LMCD1: variants seen among roughly 807,000 people sequenced by gnomAD.
LMCD1 encodes the protein LIM and cysteine rich domains 1.
Under a neutral mutation model 42.7 loss-of-function variants are expected in LMCD1, and 32 were observed. That is an observed-to-expected ratio of 0.75 (90% CI 0.57 to 1.01). LMCD1 has a LOEUF of 1.01. Ranked by LOEUF, LMCD1 falls within the 50% of genes least tolerant of loss-of-function variation. LMCD1 has a pLI of 0.00. For missense variants in LMCD1, 458 were observed against 483.1 expected (o/e 0.95, Z 0.49); for synonymous variants, 178 against 184.9 (o/e 0.96, Z 0.30).
At chr3:8,505,003 G>C (rs951950217) in intron 1 of LMCD1, among the ~76,000 whole-genome samples, 3 of 152,230 alleles carry the variant, frequency 2.0e-5, no homozygotes, top group East Asian at 1.9e-4. Flanking sequence ...TCATTTGAAA[G>C]TTGAAGAAAC....
chr3:8,565,575 G>C lies in LMCD1; in HGVS notation c.867G>C (p.Trp289Cys). Reference sequence around the variant, plus strand: ...CGCTGGTGGACCTCATCTACTTCTGGAAGGATGGTGCACCCTGGTGCGGCC... The same window carrying C: ...CGCTGGTGGACCTCATCTACTTCTGCAAGGATGGTGCACCCTGGTGCGGCC... ...SEPLVDLIYFWKDGAPWCGRH... is the reference protein window; with the variant it reads ...SEPLVDLIYFCKDGAPWCGRH... Residue 289 changes from tryptophan (W) to cysteine (C), a missense_variant, in exon 5 of 6, where the codon TGG (tryptophan) becomes TGC (cysteine). Trp to Cys is a radical substitution (Grantham distance 215). Transcript: ENST00000157600. 1 of 1,613,734 alleles carries C rather than the reference G, an allele frequency of 6.2e-7. No individual in the cohort carries two copies. Among genetic ancestry groups the C allele is most frequent in the South Asian group, 1.1e-5 (1 of 91,048 alleles).
At chr3:8,538,116 A>G (rs1439365233) in intron 3 of LMCD1, among the ~76,000 whole-genome samples, 1 of 152,210 alleles carries the variant, frequency 6.6e-6, no homozygotes, top group Non-Finnish European at 1.5e-5. Flanking sequence ...CAGAAGCTCC[A>G]GACTACAAAA....
rs112150132 is a variant in LMCD1 at position 8,554,375 on chromosome 3, G to A, written c.723+5472G>A. On this transcript the variant is annotated intron_variant, in intron 4 of 5. Transcript: ENST00000157600. ...TTGGGGTGGGGCCTCGGCAGGGTGG[G>A]TCCGACCATGCCAGGGGATATATAT... 5.9e-5 allele frequency among the ~76,000 whole-genome samples: 9 copies of A among 152,258 alleles called. No individual in the cohort carries two copies. The East Asian group carries it at 1.7e-3, about 29-fold the overall frequency.
At chr3:8,524,200 GAAAAAA>G (rs767993356) in intron 1 of LMCD1, among the ~76,000 whole-genome samples, 28 of 87,482 alleles carry the variant, frequency 3.2e-4, no homozygotes, top group African/African-American at 9.4e-4. Flanking sequence ...ACTTCTTAAG[GAAAAAA>G]AAAAAAAAAA....
rs1693725815 is a variant in LMCD1 at position 8,501,823 on chromosome 3, G to T, written c.-116G>T. 1.2e-6 allele frequency: 1 copy of T among 857,408 alleles called. No individual in the cohort carries two copies. The highest frequency in any genetic ancestry group is 2.9e-5 in the East Asian group (1 of 34,938). 53.1% of individuals were successfully genotyped at this position (857,408 alleles called of 1,614,324 possible). On this transcript the variant is annotated 5_prime_UTR_variant, in exon 1 of 6. Coordinates refer to ENST00000157600, the MANE Select transcript of LMCD1 (RefSeq NM_014583.4). ...AAGCGGCCCAGCTGCGCCTGGCTGC[G>T]CACAGAGCTCCCTCCCAGGCCCGCG...
chr3:8,521,949 A>G (rs527775383), intron 1 of LMCD1, among the ~76,000 whole-genome samples: 32 of 152,062 alleles, frequency 2.1e-4, no homozygotes, highest in African/African-American at 7.2e-4. Context: ...CAGGTGGAGT[A>G]CAGTTTTAGA....
chr3:8,566,892 CAA>C (rs1432457406), intron 5 of LMCD1, among the ~76,000 whole-genome samples: 1 of 152,122 alleles, frequency 6.6e-6, no homozygotes, highest in African/African-American at 2.4e-5. Flanking sequence ...GTAATTTGCC[CAA>C]AGTCACAAAG....
intron 3 of LMCD1, among the ~76,000 whole-genome samples, chr3:8,541,000 G>C (rs1213601903): frequency 6.6e-6 from 1 of 152,094 alleles, no homozygotes; most frequent in Non-Finnish European, 1.5e-5. Context: ...CACCACTATG[G>C]ACTGGGGTTG....
At chr3:8,546,020 C>T (rs569670304) in intron 3 of LMCD1, among the ~76,000 whole-genome samples, 11 of 152,212 alleles carry the variant, frequency 7.2e-5, no homozygotes, top group Non-Finnish European at 1.0e-4. Context: ...CCAGCCACTC[C>T]GGATTCTCCT....
At chr3:8,515,963 T>C (rs1442923553) in intron 1 of LMCD1, among the ~76,000 whole-genome samples, 1 of 151,926 alleles carries the variant, frequency 6.6e-6, no homozygotes, top group Non-Finnish European at 1.5e-5. Flanking sequence ...AATCTTAAGA[T>C]GAAAAGGAAA....
intron 4 of LMCD1, among the ~76,000 whole-genome samples, chr3:8,556,531 G>A (rs929500316): frequency 1.3e-5 from 2 of 152,154 alleles, no homozygotes; most frequent in Non-Finnish European, 2.9e-5. Context: ...TAGATGGTGA[G>A]TAGTTAATCC....
At chr3:8,527,132 G>A (rs1277311715) in intron 1 of LMCD1, among the ~76,000 whole-genome samples, 1 of 152,234 alleles carries the variant, frequency 6.6e-6, no homozygotes, top group Non-Finnish European at 1.5e-5. Context: ...AGGTTGTCAA[G>A]AAGTTTAGAT....
At position 8,548,698 on chromosome 3, in the gene LMCD1, G is replaced by A; in HGVS notation, c.518G>A (p.Gly173Glu). 1 of 1,614,198 alleles carries A rather than the reference G, an allele frequency of 6.2e-7. No homozygotes were observed. The highest frequency in any genetic ancestry group is 8.5e-7 in the Non-Finnish European group (1 of 1,180,052). ...IYDQDPSRCR[G>E]LLENELKLME... ...GACCAGGATCCCTCGCGCTGCCGTG[G>A]ACTTTTGGAGAATGAGTTGAAACTG... The change falls in exon 4 of 6, where the codon GGA becomes GAA. Residue 173 changes from glycine (G) to glutamate (E), a missense_variant. By Grantham distance (98) the Gly-to-Glu change is moderately conservative. Transcript: ENST00000157600.
intron 1 of LMCD1, chr3:8,514,865 A>G (rs986972634): frequency 2.2e-6 from 1 of 449,044 alleles, no homozygotes; most frequent in Middle Eastern, 3.3e-4. Context: ...TGTTTATTGA[A>G]TAGAAAGTGG....
chr3:8,537,739 G>C (rs1053312133), intron 3 of LMCD1, among the ~76,000 whole-genome samples: 3 of 152,108 alleles, frequency 2.0e-5, no homozygotes, highest in Admixed American at 6.6e-5. Flanking sequence ...TTCTGAACAG[G>C]AGATAGTTTA....
At chr3:8,554,610 G>T (rs933176995) in intron 4 of LMCD1, among the ~76,000 whole-genome samples, 22 of 152,062 alleles carry the variant, frequency 1.4e-4, no homozygotes, top group African/African-American at 5.3e-4. Context: ...CAGCAACCTG[G>T]ACCCATTCAC....
chr3:8,519,925 A>AGTGT (rs369271623), intron 1 of LMCD1, among the ~76,000 whole-genome samples: 1,782 of 147,900 alleles, frequency 0.012, 25 homozygotes, highest in Admixed American at 0.036. Context: ...TGTGAGAGAG[A>AGTGT]GTGTGTGTGT....
intron 1 of LMCD1, among the ~76,000 whole-genome samples, chr3:8,526,099 G>C (rs1269344163): frequency 6.6e-6 from 1 of 152,180 alleles, no homozygotes; most frequent in East Asian, 1.9e-4. Context: ...GTGATTTTGT[G>C]CTAATCAGAG....
intron 1 of LMCD1, among the ~76,000 whole-genome samples, chr3:8,507,600 G>A (rs1180323049): frequency 2.0e-5 from 3 of 152,184 alleles, no homozygotes; most frequent in Admixed American, 6.5e-5. Context: ...CAAAAGAGAG[G>A]AAGGAAAGAC....
Sources: gnomAD v4.1 joint callset for allele counts (sites outside exome capture counted in the v4.1 genomes callset) on GRCh38, gnomAD v4.1.1 for gene constraint, MANE v1.5 for transcripts, NCBI Gene and HGNC (gene_info 2026-07-23, HGNC 2026-07-21) for gene names.